TMEM232: variants seen among roughly 807,000 people sequenced by gnomAD.
The protein encoded by TMEM232 is transmembrane protein 232.
In TMEM232, 80 loss-of-function variants were observed where a neutral mutation model predicts 78.8. The ratio of observed to expected loss-of-function variants is 1.01; its 90% confidence interval spans 0.85 to 1.22. The LOEUF (loss-of-function observed/expected upper bound fraction) is 1.22, where lower values mean the gene tolerates loss of function less well. Among genes scored for constraint, TMEM232 ranks in the 50% most tolerant of loss-of-function variants. The pLI is 0.00. For missense variants in TMEM232, 881 were observed against 742.2 expected (o/e 1.19, Z -2.17); for synonymous variants, 297 against 254.3 (o/e 1.17, Z -1.60).
intron 8 of TMEM232, among the ~76,000 whole-genome samples, chr5:110,612,236 C>G (rs992183477): frequency 6.6e-6 from 1 of 152,110 alleles, no homozygotes; most frequent in Non-Finnish European, 1.5e-5. Context: ...TAGCAAAAGA[C>G]AAGACTAAAA....
At chr5:110,423,237 T>C (rs1222373819) in intron 13 of TMEM232, among the ~76,000 whole-genome samples, 1 of 152,130 alleles carries the variant, frequency 6.6e-6, no homozygotes, top group African/African-American at 2.4e-5. Flanking sequence ...GAAAGTAGAT[T>C]TGGAGTAGGG....
intron 10 of TMEM232, among the ~76,000 whole-genome samples, chr5:110,584,228 G>A (rs528550445): frequency 5.7e-4 from 87 of 151,888 alleles, no homozygotes; most frequent in Non-Finnish European, 8.4e-4. Context: ...GTTTATAATA[G>A]TCAAGATACG....
chr5:110,528,745 CA>C lies in TMEM232; in HGVS notation c.1545del (p.Ile515MetfsTer24). On this transcript the variant is annotated frameshift_variant, in exon 12 of 14. Coordinates refer to ENST00000455884, the MANE Select transcript of TMEM232 (RefSeq NM_001039763.4). LOFTEE classifies it high-confidence loss of function. ...GAAAGAGTGTTGGCAATTCTCCACCCAATATATTTGGAGAAAACTTCTTCTC... is the reference window on the plus strand; with the variant it reads ...GAAAGAGTGTTGGCAATTCTCCACCCATATATTTGGAGAAAACTTCTTCTC... The part of the protein sequence containing the change: ...NVGEEVFSKY[I>X]GWRIANTLSK... 1 of 1,532,926 alleles carries C rather than the reference CA, an allele frequency of 6.5e-7. No homozygotes were observed. Among genetic ancestry groups the C allele is most frequent in the South Asian group, 1.2e-5 (1 of 83,516 alleles). 95.0% of individuals were successfully genotyped at this position (1,532,926 alleles called of 1,614,324 possible). A position where few individuals can be genotyped will look rare whatever the true frequency, so the allele number is the denominator to read the frequency against.
intron 2 of TMEM232, among the ~76,000 whole-genome samples, chr5:110,660,745 A>G (rs1282842679): frequency 6.6e-6 from 1 of 152,190 alleles, no homozygotes. Context: ...TACATGTGAT[A>G]TTTTGATACA....
At chr5:110,530,841 T>C (rs1017571784) in intron 11 of TMEM232, among the ~76,000 whole-genome samples, 12 of 152,198 alleles carry the variant, frequency 7.9e-5, no homozygotes, top group African/African-American at 2.9e-4. Flanking sequence ...TGAAAAATGC[T>C]GAGAGTAGAT....
intron 10 of TMEM232, among the ~76,000 whole-genome samples, chr5:110,587,150 A>G (rs1189331322): frequency 2.0e-5 from 3 of 152,082 alleles, no homozygotes; most frequent in Non-Finnish European, 4.4e-5. Flanking sequence ...GATCAACATA[A>G]TGAGGCATTA....
intron 3 of TMEM232, among the ~76,000 whole-genome samples, chr5:110,396,093 C>T (rs1755377779): frequency 6.6e-6 from 1 of 152,070 alleles, no homozygotes; most frequent in South Asian, 2.1e-4. Flanking sequence ...GCTGGGGAGG[C>T]CTCAGAAAAC....
chr5:110,640,980 T>C lies in TMEM232; in HGVS notation c.254A>G (p.Lys85Arg), dbSNP rs752496171. 3 of 1,529,902 alleles carry C rather than the reference T, an allele frequency of 2.0e-6. No individual in the cohort carries two copies. The highest frequency in any genetic ancestry group is 2.6e-6 in the Non-Finnish European group (3 of 1,137,264). 94.8% of individuals were successfully genotyped at this position (1,529,902 alleles called of 1,614,324 possible). A position where few individuals can be genotyped will look rare whatever the true frequency, so the allele number is the denominator to read the frequency against. ...CACATGCCTTCCAGAGCCCAGGGTT[T>C]TGAGACCCAATTTTCTCTGTTATGA... ...ILRCKRKLGL[K>R]TLGSGRHVHL... The change falls in exon 4 of 14, where the codon AAA becomes AGA. Residue 85 changes from lysine to arginine, a missense_variant. Transcript: ENST00000455884.
At chr5:110,591,420 A>G (rs1419612232) in intron 10 of TMEM232, among the ~76,000 whole-genome samples, 3 of 152,212 alleles carry the variant, frequency 2.0e-5, no homozygotes, top group Non-Finnish European at 4.4e-5. Context: ...TACCTTATAC[A>G]TAAATAAAGT....
chr5:110,443,526 C>T (rs1213047637), intron 12 of TMEM232, among the ~76,000 whole-genome samples: 1 of 152,132 alleles, frequency 6.6e-6, no homozygotes, highest in African/African-American at 2.4e-5. Flanking sequence ...AAATGCTGTC[C>T]AATAGCCTAG....
intron 12 of TMEM232, among the ~76,000 whole-genome samples, chr5:110,448,058 C>T (rs1400433127): frequency 6.6e-6 from 1 of 151,824 alleles, no homozygotes; most frequent in Admixed American, 6.6e-5. Context: ...GTTCAAAAAA[C>T]TGAATACTAA....
At chr5:110,666,531 T>A (rs1790613698) in intron 2 of TMEM232, 1 of 152,152 alleles carries the variant, frequency 6.6e-6, no homozygotes, top group Non-Finnish European at 1.5e-5. Flanking sequence ...TATATTTAGG[T>A]CCTGTTGCTT....
rs146975492 is a variant in TMEM232, at chr5:110,526,324, A to C, written c.1703+2264T>G. ...TATTTGTAGCTCTTACCATAGACAG[A>C]GAGTCGCATAGATTAATAGATATAT... is the stretch of plus-strand genomic sequence containing the variant. On this transcript the variant is annotated intron_variant, in intron 12 of 13. Transcript: ENST00000455884. Among the ~76,000 whole-genome samples, 1,488 of 151,918 alleles carry C rather than the reference A, an allele frequency of 9.8e-3. 28 individuals are homozygous for C. The highest frequency in any genetic ancestry group is 0.034 in the African/African-American group (1,412 of 41,538).
At chr5:110,534,266 C>T (rs1771990177) in intron 11 of TMEM232, among the ~76,000 whole-genome samples, 1 of 152,170 alleles carries the variant, frequency 6.6e-6, no homozygotes, top group Non-Finnish European at 1.5e-5. Context: ...TCAAATCAGC[C>T]AAGCATTTTT....
intron 4 of TMEM232, among the ~76,000 whole-genome samples, chr5:110,639,879 C>G (rs1034967293): frequency 5.9e-5 from 9 of 152,210 alleles, no homozygotes; most frequent in Admixed American, 2.6e-4. Flanking sequence ...GCTGATCCGA[C>G]AGGAGGTGGA....
chr5:110,673,346 T>G (rs1028882851), intron 1 of TMEM232, among the ~76,000 whole-genome samples: 1 of 151,732 alleles, frequency 6.6e-6, no homozygotes, highest in Non-Finnish European at 1.5e-5. Flanking sequence ...GAGATAAACC[T>G]AATGTTAAAT....
rs368712189 is a variant in TMEM232 at position 110,449,941 on chromosome 5, G to A, written c.1704-25025C>T. 1.2e-4 allele frequency among the ~76,000 whole-genome samples: 18 copies of A among 152,144 alleles called. 2 individuals carry two copies. Among genetic ancestry groups the A allele is most frequent in the East Asian group, 9.6e-4 (5 of 5,186 alleles). ...CAGCTTGGCTCTGTGTCCCCACTCA[G>A]ATCTCATGTTAAATTGTAACTCCCA... On this transcript the variant is annotated intron_variant, in intron 12 of 13. Transcript: ENST00000455884.
intron 12 of TMEM232, among the ~76,000 whole-genome samples, chr5:110,523,975 G>C (rs1769972985): frequency 8.7e-6 from 1 of 114,310 alleles, no homozygotes; most frequent in African/African-American, 3.1e-5. Context: ...AAGGGGGGGG[G>C]GCGGGGGGGC....
chr5:110,647,843 T>C (rs1787720829), intron 2 of TMEM232, among the ~76,000 whole-genome samples: 1 of 152,000 alleles, frequency 6.6e-6, no homozygotes, highest in Non-Finnish European at 1.5e-5. Context: ...AACAGGTGCA[T>C]ACTATTCTGG....
Sources: gnomAD v4.1 joint callset for allele counts (sites outside exome capture counted in the v4.1 genomes callset) on GRCh38, gnomAD v4.1.1 for gene constraint, MANE v1.5 for transcripts, NCBI Gene and HGNC (gene_info 2026-07-23, HGNC 2026-07-21) for gene names.